NRG4: variants seen among roughly 807,000 people sequenced by gnomAD.
NRG4 encodes the protein neuregulin 4, also known as pro-neuregulin-4, membrane-bound isoform.
In NRG4, 10 loss-of-function variants were observed where a neutral mutation model predicts 15.0. The ratio of observed to expected loss-of-function variants is 0.67; its 90% CI spans 0.41 to 1.13. The LOEUF (loss-of-function observed/expected upper bound fraction) is 1.13, where lower values mean the gene tolerates loss of function less well. Ranked by LOEUF, NRG4 falls within the 50% of genes most tolerant of loss-of-function variation. NRG4 has a pLI of 0.00. For missense variants in NRG4, 139 were observed against 140.2 expected (o/e 0.99, Z 0.04); for synonymous variants, 41 against 50.1 (o/e 0.82, Z 0.77).
chr15:75,999,342 T>C (rs1315866091), intron 3 of NRG4, among the ~76,000 whole-genome samples: 3 of 152,144 alleles, frequency 2.0e-5, no homozygotes, highest in Non-Finnish European at 2.9e-5. Context: ...ATAATCTCCA[T>C]TGTGCTGGCA....
chr15:76,036,082 A>C (rs193126621), intron 4 of NRG4: 112 of 152,308 alleles, frequency 7.4e-4, no homozygotes, highest in African/African-American at 2.7e-3. Flanking sequence ...TTCTGGCATT[A>C]CATATTAGGT....
chr15:75,988,828 ATAGAATC>A (rs72178011), intron 3 of NRG4, among the ~76,000 whole-genome samples: 13,397 of 149,578 alleles, frequency 0.09, 1,538 homozygotes, highest in African/African-American at 0.27. Flanking sequence ...GGTGGCAAAA[ATAGAATC>A]TAGAATCCTG....
chr15:76,007,540 C>T (rs2034651933), intron 3 of NRG4, among the ~76,000 whole-genome samples: 1 of 151,566 alleles, frequency 6.6e-6, no homozygotes, highest in Non-Finnish European at 1.5e-5. Context: ...TGCCATTCTC[C>T]TGCCTCAGCC....
intron 4 of NRG4, among the ~76,000 whole-genome samples, chr15:76,048,334 T>C (rs915435695): frequency 4.7e-5 from 7 of 149,610 alleles, no homozygotes; most frequent in African/African-American, 1.5e-4. Flanking sequence ...TAGCCAGGTG[T>C]GGTGGTGCAT....
At chr15:76,008,469 A>G (rs1369442982) in intron 3 of NRG4, among the ~76,000 whole-genome samples, 2 of 152,220 alleles carry the variant, frequency 1.3e-5, no homozygotes, top group African/African-American at 4.8e-5. Flanking sequence ...AGAGTAATTC[A>G]CATGTGTTAC....
At chr15:76,008,105 C>T (rs547185366) in intron 3 of NRG4, among the ~76,000 whole-genome samples, 4 of 152,212 alleles carry the variant, frequency 2.6e-5, no homozygotes, top group African/African-American at 9.6e-5. Flanking sequence ...ATCCATTTTG[C>T]ACTTTAAATG....
At chr15:76,039,206 C>T (rs1443178650) in intron 4 of NRG4, among the ~76,000 whole-genome samples, 6 of 152,130 alleles carry the variant, frequency 3.9e-5, no homozygotes, top group Non-Finnish European at 8.8e-5. Context: ...AATGCCCAGA[C>T]ACCAGCAAAT....
rs141394731 is a variant in NRG4 at position 75,944,345 on chromosome 15, A to T, written c.332-691T>A. Among the ~76,000 whole-genome samples, 623 of 152,314 alleles carry T rather than the reference A, an allele frequency of 4.1e-3. 12 individuals are homozygous for T. The highest frequency in any genetic ancestry group is 0.014 in the African/African-American group (588 of 41,562). ...ACAGGCATGTGGTGTGCATGATCATACTGTTACACTGCTTTCCATTTGGAG... is the reference window on the plus strand; with the variant it reads ...ACAGGCATGTGGTGTGCATGATCATTCTGTTACACTGCTTTCCATTTGGAG... On this transcript the variant is annotated intron_variant, in intron 5 of 5. Coordinates refer to ENST00000394907, the MANE Select transcript of NRG4 (RefSeq NM_138573.4).
intron 5 of NRG4, among the ~76,000 whole-genome samples, chr15:76,024,956 A>G (rs2035265603): frequency 6.6e-6 from 1 of 152,208 alleles, no homozygotes; most frequent in African/African-American, 2.4e-5. Flanking sequence ...AATTAATGTA[A>G]GCAAAAACAA....
chr15:76,010,776 C>T (rs1312395507), intron 2 of NRG4, among the ~76,000 whole-genome samples: 1 of 152,068 alleles, frequency 6.6e-6, no homozygotes, highest in Non-Finnish European at 1.5e-5. Context: ...ATATGGTTTT[C>T]CACTGAGGGT....
intron 4 of NRG4, among the ~76,000 whole-genome samples, chr15:75,958,151 T>G (rs1270062762): frequency 6.6e-6 from 1 of 152,148 alleles, no homozygotes; most frequent in Non-Finnish European, 1.5e-5. Context: ...TAGCTGGGAC[T>G]ACAGGCACCC....
chr15:75,937,022 G>A (rs2030412999), downstream of NRG4: 1 of 152,072 alleles, frequency 6.6e-6, no homozygotes, highest in South Asian at 2.1e-4. Context: ...TTATCAGATT[G>A]AGGAGAATTT....
upstream of NRG4, among the ~76,000 whole-genome samples, chr15:76,015,660 G>A (rs2034952919): frequency 6.6e-6 from 1 of 152,118 alleles, no homozygotes; most frequent in African/African-American, 2.4e-5. Context: ...ATTGATTTCT[G>A]TATGTTGAAT....
At chr15:75,959,150 TA>T (rs770218039) in intron 4 of NRG4, 7,903 of 356,804 alleles carry the variant, frequency 0.022, no homozygotes, top group South Asian at 0.034. Context: ...CCTGGATAAT[TA>T]AAAAAAAAAA....
chr15:75,952,802 A>T (rs958735969), intron 5 of NRG4, among the ~76,000 whole-genome samples: 3 of 152,072 alleles, frequency 2.0e-5, no homozygotes, highest in Admixed American at 6.5e-5. Flanking sequence ...TGTACATATT[A>T]TTTGGAGAAC....
intron 4 of NRG4, among the ~76,000 whole-genome samples, chr15:76,045,806 G>A (rs1174666395): frequency 6.6e-6 from 1 of 150,740 alleles, no homozygotes; most frequent in African/African-American, 2.5e-5. Flanking sequence ...GCTGGTTGGG[G>A]GAAGTGGGGA....
At chr15:76,024,224 T>G (rs986978801) in intron 5 of NRG4, among the ~76,000 whole-genome samples, 2 of 152,200 alleles carry the variant, frequency 1.3e-5, no homozygotes, top group African/African-American at 2.4e-5. Context: ...AGTAGCTGTA[T>G]GTCCACTTCC....
chr15:75,954,579 A>C (rs2032116995), intron 5 of NRG4, among the ~76,000 whole-genome samples: 2 of 149,488 alleles, frequency 1.3e-5, no homozygotes, highest in Non-Finnish European at 3.0e-5. Context: ...ACAGGCACCC[A>C]CCATTGGTTT....
At chr15:75,961,381 T>C (rs906931917) in intron 4 of NRG4, among the ~76,000 whole-genome samples, 2 of 152,238 alleles carry the variant, frequency 1.3e-5, no homozygotes, top group African/African-American at 4.8e-5. Flanking sequence ...TTGGGAAACA[T>C]GTCTATTTTG....
Sources: allele counts gnomAD v4.1 joint callset (sites outside exome capture counted in the v4.1 genomes callset), GRCh38; gene constraint gnomAD v4.1.1; transcripts MANE v1.5; gene names NCBI Gene and HGNC (gene_info 2026-07-23, HGNC 2026-07-21).